PCDH15: variants seen among roughly 807,000 people sequenced by gnomAD.
PCDH15 encodes the protein protocadherin related 15.
In PCDH15, 129 loss-of-function variants were observed where a neutral mutation model predicts 178.5. That is an observed-to-expected ratio of 0.72 (90% CI 0.63 to 0.84). The LOEUF (loss-of-function observed/expected upper bound fraction) is 0.84. PCDH15 is among the 40% of genes least tolerant of loss of function. PCDH15 has a pLI of 0.00. For missense variants in PCDH15, 2,230 were observed against 2,099.9 expected (o/e 1.06, Z -1.21); for synonymous variants, 800 against 732.0 (o/e 1.09, Z -1.50).
At chr10:54,446,776 G>T (rs2076165898) in intron 3 of PCDH15, among the ~76,000 whole-genome samples, 1 of 151,386 alleles carries the variant, frequency 6.6e-6, no homozygotes, top group Admixed American at 6.6e-5. Context: ...TTAGGCTCTT[G>T]CTTGCTTGCA....
At chr10:54,112,353 C>T (rs1232878961) in intron 15 of PCDH15, among the ~76,000 whole-genome samples, 4 of 151,386 alleles carry the variant, frequency 2.6e-5, no homozygotes, top group Admixed American at 2.0e-4. Context: ...GATCTAGTCC[C>T]CAGTCATGAT....
intron 8 of PCDH15, among the ~76,000 whole-genome samples, chr10:54,307,040 GTATA>G (rs1158139613): frequency 1.5e-3 from 44 of 29,298 alleles, no homozygotes; most frequent in South Asian, 6.4e-3. Context: ...GTGTGTGTGT[GTATA>G]TATATATATA....
chr10:55,573,252 T>C (rs1842439791), intron 2 of PCDH15, among the ~76,000 whole-genome samples: 1 of 152,086 alleles, frequency 6.6e-6, no homozygotes, highest in South Asian at 2.1e-4. Flanking sequence ...TGTAATTAGA[T>C]GTGAGGAATG....
At chr10:55,056,281 T>C (rs1591864281) in intron 2 of PCDH15, among the ~76,000 whole-genome samples, 2 of 152,184 alleles carry the variant, frequency 1.3e-5, no homozygotes, top group African/African-American at 4.8e-5. Flanking sequence ...GTATCAATCC[T>C]TTCCCATTTG....
chr10:55,235,952 G>T (rs1592009567), intron 1 of PCDH15, among the ~76,000 whole-genome samples: 1 of 147,696 alleles, frequency 6.8e-6, no homozygotes, highest in Non-Finnish European at 1.5e-5. Context: ...TCCATTTTCT[G>T]ACTGGAATGT....
intron 2 of PCDH15, among the ~76,000 whole-genome samples, chr10:54,552,799 C>G (rs556930755): frequency 6.6e-6 from 1 of 152,062 alleles, no homozygotes; most frequent in South Asian, 2.1e-4. Flanking sequence ...GGTAAGAGTT[C>G]ATGGCAATGA....
intron 2 of PCDH15, among the ~76,000 whole-genome samples, chr10:55,564,543 C>T (rs1414646822): frequency 6.6e-6 from 1 of 151,462 alleles, no homozygotes; most frequent in Non-Finnish European, 1.5e-5. Flanking sequence ...AATAGCAAAG[C>T]CCTTCAAACA....
chr10:54,032,407 C>A (rs989873721), intron 18 of PCDH15, among the ~76,000 whole-genome samples: 1 of 151,840 alleles, frequency 6.6e-6, no homozygotes, highest in African/African-American at 2.4e-5. Context: ...TTATTTATAT[C>A]ATACAATGCC....
At position 54,195,830 on chromosome 10, in the gene PCDH15, C is replaced by T; in HGVS notation, c.1158G>A (p.Leu386=). The change falls in exon 11 of 38, where the codon CTG becomes CTA. Residue 386 remains leucine, a synonymous_variant. Coordinates refer to ENST00000644397, the MANE Select transcript of PCDH15 (RefSeq NM_001384140.1). The part of the protein sequence containing the change: ...PAFAGLHIEI[L]DENNQSPYFT... ...AATATGGACTTTGATTGTTTTCATC[C>T]AGTATTTCAATGTGTAGACCGGCAA... 1 of 1,613,948 alleles carries T rather than the reference C, an allele frequency of 6.2e-7. No individual in the cohort carries two copies. Among genetic ancestry groups the T allele is most frequent in the Non-Finnish European group, 8.5e-7 (1 of 1,179,922 alleles).
rs372699834 is a variant in PCDH15 at position 54,127,892 on chromosome 10, TTTAA to T, written c.1917+4979_1917+4982del. ...TTGTTATTTTGCAAAACTGTCTCAT[TTTAA>T]TTAATATGATGCCTTACTCATTATT... On this transcript the variant is annotated intron_variant, in intron 15 of 37. Coordinates refer to ENST00000644397, the MANE Select transcript of PCDH15 (RefSeq NM_001384140.1). 3.3e-4 allele frequency among the ~76,000 whole-genome samples: 51 copies of T among 152,326 alleles called. 1 individual carries two copies. In the East Asian group the frequency reaches 8.9e-3, roughly 27 times the overall value.
At chr10:53,878,227 T>TATATATATATATTCTAC (rs1564665272) in intron 26 of PCDH15, among the ~76,000 whole-genome samples, 8 of 23,038 alleles carry the variant, frequency 3.5e-4, no homozygotes, top group African/African-American at 6.5e-4. Context: ...TATATATATA[T>TATATATATATATTCTAC]ATATATATAT....
At chr10:55,373,804 T>C (rs1445598316) in intron 2 of PCDH15, among the ~76,000 whole-genome samples, 1 of 151,964 alleles carries the variant, frequency 6.6e-6, no homozygotes, top group Non-Finnish European at 1.5e-5. Flanking sequence ...TTTCAGGTCT[T>C]ACGTTTAAGT....
intron 7 of PCDH15, among the ~76,000 whole-genome samples, chr10:54,326,485 A>ATT (rs990063701): frequency 6.6e-6 from 1 of 152,178 alleles, no homozygotes; most frequent in African/African-American, 2.4e-5. Context: ...GATTTATATA[A>ATT]TACTGTAATA....
intron 8 of PCDH15, among the ~76,000 whole-genome samples, chr10:54,272,584 T>C (rs904226662): frequency 1.3e-5 from 2 of 152,100 alleles, no homozygotes; most frequent in Admixed American, 1.3e-4. Flanking sequence ...ATGCTACAGA[T>C]AGTGGAATAC....
chr10:54,698,257 G>T (rs2095262681), intron 1 of PCDH15, among the ~76,000 whole-genome samples: 1 of 152,110 alleles, frequency 6.6e-6, no homozygotes, highest in Non-Finnish European at 1.5e-5. Context: ...AAGCTAATTT[G>T]AAGTATTGGA....
intron 2 of PCDH15, among the ~76,000 whole-genome samples, chr10:55,026,373 A>AT (rs1353877199): frequency 2.0e-5 from 3 of 151,994 alleles, no homozygotes; most frequent in Non-Finnish European, 2.9e-5. Flanking sequence ...CATTATGTAT[A>AT]TAATATTATG....
chr10:54,709,089 A>G (rs2095399670), intron 1 of PCDH15, among the ~76,000 whole-genome samples: 1 of 152,112 alleles, frequency 6.6e-6, no homozygotes, highest in South Asian at 2.1e-4. Flanking sequence ...TCTTACCACC[A>G]CTGATTATCT....
chr10:54,473,646 T>C (rs2078072777), intron 3 of PCDH15, among the ~76,000 whole-genome samples: 1 of 152,070 alleles, frequency 6.6e-6, no homozygotes, highest in Non-Finnish European at 1.5e-5. Flanking sequence ...TTCAGTTTAT[T>C]ATGAGTTCAA....
At chr10:53,816,892 C>T (rs2076078332) in intron 34 of PCDH15, among the ~76,000 whole-genome samples, 1 of 152,100 alleles carries the variant, frequency 6.6e-6, no homozygotes, top group South Asian at 2.1e-4. Context: ...CCTGCCTCTT[C>T]CTTCTTTCAC....
Sources: gnomAD v4.1 joint callset for allele counts (sites outside exome capture counted in the v4.1 genomes callset) on GRCh38, gnomAD v4.1.1 for gene constraint, MANE v1.5 for transcripts, NCBI Gene and HGNC (gene_info 2026-07-23, HGNC 2026-07-21) for gene names.